SYN2: variants seen among roughly 807,000 people sequenced by gnomAD.
The protein encoded by SYN2 is synapsin II.
Under a neutral mutation model 50.9 loss-of-function variants are expected in SYN2, and 19 were observed. The observed-to-expected ratio is 0.37, with a 90% CI of 0.26 to 0.55. The LOEUF is 0.55. Ranked by LOEUF, SYN2 falls within the 20% of genes least tolerant of loss-of-function variation. The pLI is 0.81. For synonymous variants in SYN2, 255 were observed against 224.9 expected, an observed-to-expected ratio of 1.13 and a Z score of -1.20; for missense variants, 587 against 576.4, an observed-to-expected ratio of 1.02 and a Z score of -0.19.
At chr3:12,166,756 G>A (rs1697808460) in intron 7 of SYN2, among the ~76,000 whole-genome samples, 1 of 152,214 alleles carries the variant, frequency 6.6e-6, no homozygotes, top group Admixed American at 6.5e-5. Context: ...GGAGTTTCAG[G>A]ATTGATGGAA....
chr3:12,100,718 T>G (rs1210248771), intron 1 of SYN2, among the ~76,000 whole-genome samples: 1 of 152,122 alleles, frequency 6.6e-6, no homozygotes, highest in Non-Finnish European at 1.5e-5. Flanking sequence ...GCAAATCATA[T>G]ATCTGATATA....
chr3:12,020,384 C>G (rs998739792), intron 1 of SYN2, among the ~76,000 whole-genome samples: 2 of 150,302 alleles, frequency 1.3e-5, no homozygotes, highest in African/African-American at 4.9e-5. Flanking sequence ...TTCTGTCCCC[C>G]CAGTTGATTC....
chr3:12,161,861 G>GA, intron 6 of SYN2, 151 bp from the exon 7 acceptor site: 9 of 1,192,232 alleles, frequency 7.5e-6, no homozygotes, highest in Non-Finnish European at 1.0e-5. Context: ...GGAAGCTAGG[G>GA]AGAAGGGGCC....
At chr3:12,083,753 T>C (rs1695630605) in intron 1 of SYN2, among the ~76,000 whole-genome samples, 1 of 152,182 alleles carries the variant, frequency 6.6e-6, no homozygotes, top group African/African-American at 2.4e-5. Context: ...TGATGGAGCC[T>C]AACCATCTGC....
Position 12,080,822 on chromosome 3 carries a change from C to G in SYN2, c.378-59829C>G, listed in dbSNP as rs143360408. Among the ~76,000 whole-genome samples the G allele has an allele frequency of 8.2e-3, 1,245 of 152,306 alleles. 19 individuals are homozygous for G. Among genetic ancestry groups the G allele is most frequent in the Admixed American group, 0.044 (671 of 15,298 alleles). On this transcript the variant is annotated intron_variant, in intron 1 of 12. Transcript: ENST00000621198. The stretch of plus-strand genomic sequence containing the variant: ...GTTCTGTAGATATCTATCAGGTCCA[C>G]TTGATCCAGAGCTGAGTCCAAGTCC...
At chr3:12,049,917 C>G (rs1423259342) in intron 1 of SYN2, among the ~76,000 whole-genome samples, 1 of 152,090 alleles carries the variant, frequency 6.6e-6, no homozygotes, top group African/African-American at 2.4e-5. Context: ...AAAGCAATCT[C>G]GACAGTTTTT....
At chr3:12,134,922 G>A (rs1015471292) in intron 1 of SYN2, among the ~76,000 whole-genome samples, 2 of 152,114 alleles carry the variant, frequency 1.3e-5, no homozygotes, top group Non-Finnish European at 2.9e-5. Context: ...ATCACTAATG[G>A]TTGCCAATTT....
rs546366055 is a variant in SYN2, at chr3:12,096,851, A to G, written c.378-43800A>G. ...AAAATAGATCAGTTGAGATTATACAATCTGGGGAACAGAAAGAAAAAAATG... is the reference window on the plus strand; with the variant it reads ...AAAATAGATCAGTTGAGATTATACAGTCTGGGGAACAGAAAGAAAAAAATG... On this transcript the variant is annotated intron_variant, in intron 1 of 12. Coordinates refer to ENST00000621198, the MANE Select transcript of SYN2 (RefSeq NM_133625.6). Among the ~76,000 whole-genome samples the G allele has an allele frequency of 3.9e-5, 6 of 152,314 alleles. No individual in the cohort carries two copies. In the South Asian group the frequency reaches 1.0e-3, roughly 26 times the overall value.
rs1178527395 is a variant in SYN2 at position 12,190,770 on chromosome 3, T to C, written c.*145T>C. 1 of 1,423,542 alleles carries C rather than the reference T, an allele frequency of 7.0e-7. No homozygotes were observed. Among genetic ancestry groups the C allele is most frequent in the African/African-American group, 1.5e-5 (1 of 68,754 alleles). The allele number at this position is 1,423,542 out of a possible 1,614,324, so 88.2% of individuals were successfully genotyped here. Reference sequence around the variant, plus strand: ...TGCTCTGTTGTACTAAGTGATGTTGTGCAGCCCAGAAAGGACCATTTGACA... The same window carrying C: ...TGCTCTGTTGTACTAAGTGATGTTGCGCAGCCCAGAAAGGACCATTTGACA... On this transcript the variant is annotated 3_prime_UTR_variant, in exon 13 of 13. Coordinates refer to ENST00000621198, the MANE Select transcript of SYN2 (RefSeq NM_133625.6).
At chr3:12,082,712 C>T (rs1428174855) in intron 1 of SYN2, among the ~76,000 whole-genome samples, 2 of 152,068 alleles carry the variant, frequency 1.3e-5, no homozygotes, top group African/African-American at 4.8e-5. Context: ...CTTTTATAAT[C>T]CCTTGATATA....
chr3:12,099,841 T>G (rs1696027859), intron 1 of SYN2, among the ~76,000 whole-genome samples: 1 of 150,908 alleles, frequency 6.6e-6, no homozygotes, highest in South Asian at 2.1e-4. Flanking sequence ...GGCGGGCGCC[T>G]GTAGTCCCAG....
At chr3:12,183,593 C>T (rs1268957809) in intron 11 of SYN2, 2 of 1,479,796 alleles carry the variant, frequency 1.4e-6, no homozygotes, top group Admixed American at 2.8e-5. Flanking sequence ...GTGTCAGCTC[C>T]TCTGTCTGGT....
intron 7 of SYN2, 81 bp from the exon 8 acceptor site, chr3:12,167,153 C>A: frequency 6.9e-7 from 1 of 1,448,394 alleles, no homozygotes; most frequent in Non-Finnish European, 9.5e-7. Flanking sequence ...CAACAGTGAA[C>A]TAAAATTCTG....
chr3:12,033,246 C>T (rs981605880), intron 1 of SYN2, among the ~76,000 whole-genome samples: 1 of 152,182 alleles, frequency 6.6e-6, no homozygotes, highest in Non-Finnish European at 1.5e-5. Context: ...GTTCTCAGAT[C>T]TCCAGCTGCG....
intron 1 of SYN2, among the ~76,000 whole-genome samples, chr3:12,029,774 T>G (rs1694340668): frequency 1.8e-5 from 1 of 56,252 alleles, no homozygotes; most frequent in Non-Finnish European, 3.0e-5. Context: ...AAGGAGATTT[T>G]GGGCTGAGAC....
At chr3:12,037,438 C>T (rs1028620265) in intron 1 of SYN2, among the ~76,000 whole-genome samples, 5 of 152,140 alleles carry the variant, frequency 3.3e-5, no homozygotes, top group Non-Finnish European at 5.9e-5. Context: ...ATAATAGATA[C>T]AAACATTTAT....
chr3:12,157,552 C>G, intron 5 of SYN2: 1 of 1,479,976 alleles, frequency 6.8e-7, no homozygotes, highest in Non-Finnish European at 9.4e-7. Context: ...TCTGGATGAT[C>G]CAGGGTCCAT....
At chr3:12,123,465 C>G (rs1376898560) in intron 1 of SYN2, among the ~76,000 whole-genome samples, 1 of 152,144 alleles carries the variant, frequency 6.6e-6, no homozygotes, top group East Asian at 1.9e-4. Context: ...TTAGTTAAGC[C>G]TTTATTCAAG....
At chr3:12,126,596 G>A (rs1461232580) in intron 1 of SYN2, among the ~76,000 whole-genome samples, 1 of 152,212 alleles carries the variant, frequency 6.6e-6, no homozygotes, top group Non-Finnish European at 1.5e-5. Context: ...TTTAGTTGTA[G>A]TATGAAGTGG....
Sources: gnomAD v4.1 joint callset for allele counts (sites outside exome capture counted in the v4.1 genomes callset) on GRCh38, gnomAD v4.1.1 for gene constraint, MANE v1.5 for transcripts, NCBI Gene and HGNC (gene_info 2026-07-23, HGNC 2026-07-21) for gene names.